CTNNA2: variants seen among roughly 807,000 people sequenced by gnomAD.
CTNNA2 encodes the protein catenin alpha 2, also known as catenin alpha-2.
In CTNNA2, 42 loss-of-function variants were observed where a neutral mutation model predicts 101.0. That is an observed-to-expected ratio of 0.42 (90% CI 0.32 to 0.54). The LOEUF (loss-of-function observed/expected upper bound fraction) is 0.54. Ranked by LOEUF, CTNNA2 falls within the 20% of genes least tolerant of loss-of-function variation. The pLI, the probability that CTNNA2 is intolerant of heterozygous loss-of-function variation, is 0.14. For missense variants in CTNNA2, 871 were observed against 1,223.1 expected, an observed-to-expected ratio of 0.71 and a Z score of 4.29; for synonymous variants, 450 against 456.4, an observed-to-expected ratio of 0.99 and a Z score of 0.18.
intron 3 of CTNNA2, among the ~76,000 whole-genome samples, chr2:79,797,728 T>C (rs1486312679): frequency 6.6e-6 from 1 of 151,404 alleles, no homozygotes; most frequent in Non-Finnish European, 1.5e-5. Context: ...TACATTTAGA[T>C]GTTTTGATTT....
At chr2:79,756,887 GAATCACTA>G (rs1344382763) in intron 3 of CTNNA2, among the ~76,000 whole-genome samples, 2 of 152,104 alleles carry the variant, frequency 1.3e-5, no homozygotes, top group Non-Finnish European at 2.9e-5. Context: ...ATCCTTACTA[GAATCACTA>G]AAATCTCCAA....
intron 3 of CTNNA2, among the ~76,000 whole-genome samples, chr2:79,770,821 G>A (rs1673517531): frequency 6.6e-6 from 1 of 152,222 alleles, no homozygotes; most frequent in Non-Finnish European, 1.5e-5. Flanking sequence ...ATGACAGCCA[G>A]TTATTAGCAG....
At chr2:79,382,830 G>C (rs746456547) in intron 4 of CTNNA2, among the ~76,000 whole-genome samples, 24 of 152,116 alleles carry the variant, frequency 1.6e-4, no homozygotes, top group Non-Finnish European at 7.3e-5. Flanking sequence ...TAGCCAGAAT[G>C]GTCTCGATTT....
chr2:79,691,214 T>C (rs1402632400), intron 2 of CTNNA2, among the ~76,000 whole-genome samples: 1 of 152,022 alleles, frequency 6.6e-6, no homozygotes, highest in Non-Finnish European at 1.5e-5. Flanking sequence ...AGAAGTAAAC[T>C]AGCCTAAATC....
At chr2:80,421,199 T>G (rs947547242) in intron 9 of CTNNA2, among the ~76,000 whole-genome samples, 1 of 152,162 alleles carries the variant, frequency 6.6e-6, no homozygotes, top group Non-Finnish European at 1.5e-5. Flanking sequence ...GCTTTAAATA[T>G]TCACATGTAA....
intron 7 of CTNNA2, among the ~76,000 whole-genome samples, chr2:79,951,987 G>A (rs1574394060): frequency 6.6e-6 from 1 of 152,120 alleles, no homozygotes; most frequent in African/African-American, 2.4e-5. Context: ...TGCTGTTGCA[G>A]TCTCTAGGTC....
intron 7 of CTNNA2, among the ~76,000 whole-genome samples, chr2:79,960,228 T>C (rs1169283883): frequency 6.6e-6 from 1 of 152,212 alleles, no homozygotes; most frequent in Non-Finnish European, 1.5e-5. Flanking sequence ...GTCTTGCAAT[T>C]CTGCTGACTC....
chr2:79,430,962 G>A (rs142468675), intron 4 of CTNNA2, among the ~76,000 whole-genome samples: 5 of 152,064 alleles, frequency 3.3e-5, no homozygotes, highest in Admixed American at 6.6e-5. Flanking sequence ...TTTATCATTC[G>A]TGTAAAGACT....
chr2:79,210,088 T>TTTTGTGTGTGTGTGTGTGTGTG (rs112984318), intron 2 of CTNNA2, among the ~76,000 whole-genome samples: 4,770 of 144,806 alleles, frequency 0.033, 154 homozygotes, highest in East Asian at 0.088. Flanking sequence ...TCAAGCTATA[T>TTTTGTGTGTGTGTGTGTGTGTG]TGTGTGTGTG....
chr2:80,454,342 A>C (rs916774037), intron 9 of CTNNA2, among the ~76,000 whole-genome samples: 2 of 152,192 alleles, frequency 1.3e-5, no homozygotes, highest in Non-Finnish European at 2.9e-5. Context: ...CCCTGGAAGC[A>C]GTACGATGCA....
At chr2:79,827,331 C>T (rs1256739974) in intron 3 of CTNNA2, among the ~76,000 whole-genome samples, 1 of 152,140 alleles carries the variant, frequency 6.6e-6, no homozygotes, top group East Asian at 1.9e-4. Context: ...AGCCACTGTG[C>T]CCGGCCAGAT....
chr2:79,699,590 GTTCTT>G (rs1684858384), intron 2 of CTNNA2, among the ~76,000 whole-genome samples: 1 of 151,600 alleles, frequency 6.6e-6, no homozygotes, highest in African/African-American at 2.4e-5. Context: ...ACTTTGCAAA[GTTCTT>G]TTTTTTAATC....
At chr2:80,632,455 G>C (rs924340636) in intron 18 of CTNNA2, among the ~76,000 whole-genome samples, 1 of 152,018 alleles carries the variant, frequency 6.6e-6, no homozygotes, top group Non-Finnish European at 1.5e-5. Flanking sequence ...GAATTTCTTT[G>C]TCTTTTTGTG....
chr2:80,058,442 T>C (rs1697367489), intron 7 of CTNNA2, among the ~76,000 whole-genome samples: 2 of 152,190 alleles, frequency 1.3e-5, no homozygotes, highest in Admixed American at 1.3e-4. Context: ...CGTTCTGCTA[T>C]ATTGTTTTGA....
intron 7 of CTNNA2, among the ~76,000 whole-genome samples, chr2:80,188,226 T>A (rs1320114259): frequency 6.6e-6 from 1 of 152,238 alleles, no homozygotes; most frequent in Non-Finnish European, 1.5e-5. Context: ...TGTTTTAGGT[T>A]GTCTCATGAG....
intron 7 of CTNNA2, among the ~76,000 whole-genome samples, chr2:80,166,450 G>A (rs900657368): frequency 7.2e-5 from 11 of 152,122 alleles, no homozygotes; most frequent in African/African-American, 2.7e-4. Context: ...CTGGGTTGCT[G>A]AACACATGGA....
intron 3 of CTNNA2, among the ~76,000 whole-genome samples, chr2:79,339,008 T>C (rs1189533575): frequency 6.6e-6 from 1 of 152,026 alleles, no homozygotes; most frequent in East Asian, 1.9e-4. Context: ...ACAGCAGATA[T>C]TGAAGCAGCT....
At chr2:79,854,302 T>C (rs1377218644) in intron 3 of CTNNA2, among the ~76,000 whole-genome samples, 1 of 152,230 alleles carries the variant, frequency 6.6e-6, no homozygotes, top group African/African-American at 2.4e-5. Context: ...GTGGTTGTGA[T>C]AGTAGTGGTA....
chr2:79,529,634 A>G (rs1672621762), intron 1 of CTNNA2, among the ~76,000 whole-genome samples: 1 of 151,986 alleles, frequency 6.6e-6, no homozygotes, highest in South Asian at 2.1e-4. Flanking sequence ...GGAAAGAAAG[A>G]GAGGAATCGT....
Sources: gnomAD v4.1 joint callset for allele counts (sites outside exome capture counted in the v4.1 genomes callset) on GRCh38, gnomAD v4.1.1 for gene constraint, MANE v1.5 for transcripts, NCBI Gene and HGNC (gene_info 2026-07-23, HGNC 2026-07-21) for gene names.